The following NRG3 variants were observed in gnomAD, a reference collection of about 807,000 sequenced individuals.
The protein encoded by NRG3 is pro-neuregulin-3, membrane-bound isoform.
In NRG3, 31 loss-of-function variants were observed where a neutral mutation model predicts 66.9. The ratio of observed to expected loss-of-function variants is 0.46; its 90% CI spans 0.35 to 0.63. The LOEUF is 0.63. Among genes scored for constraint, NRG3 ranks in the 20% least tolerant of loss-of-function variants. The pLI, the probability that NRG3 is intolerant of heterozygous loss-of-function variation, is 0.00. For missense variants in NRG3, 910 were observed against 878.9 expected (o/e 1.04, Z -0.45); for synonymous variants, 393 against 359.4 (o/e 1.09, Z -1.06).
intron 1 of NRG3, among the ~76,000 whole-genome samples, chr10:81,880,406 CAAAA>C (rs200467368): frequency 6.6e-6 from 1 of 150,462 alleles, no homozygotes; most frequent in Non-Finnish European, 1.5e-5. Context: ...CCAAAAAAAA[CAAAA>C]AAAAACCCAG....
intron 2 of NRG3, among the ~76,000 whole-genome samples, chr10:82,472,675 G>T (rs980042737): frequency 6.6e-6 from 1 of 152,204 alleles, no homozygotes; most frequent in African/African-American, 2.4e-5. Context: ...CCCATGTGTG[G>T]TAATGAGAGC....
At chr10:82,459,410 T>C (rs973302596) in intron 2 of NRG3, among the ~76,000 whole-genome samples, 1 of 152,204 alleles carries the variant, frequency 6.6e-6, no homozygotes, top group Non-Finnish European at 1.5e-5. Flanking sequence ...TGCAAGTATA[T>C]GTATTCATTC....
chr10:82,308,742 T>C (rs1265420602), intron 1 of NRG3, among the ~76,000 whole-genome samples: 1 of 152,184 alleles, frequency 6.6e-6, no homozygotes, highest in Non-Finnish European at 1.5e-5. Context: ...TGATTTTCTC[T>C]GGCTGCAGGG....
At chr10:82,208,972 C>T (rs1167884962) in intron 1 of NRG3, among the ~76,000 whole-genome samples, 4 of 151,074 alleles carry the variant, frequency 2.6e-5, no homozygotes, top group Non-Finnish European at 5.9e-5. Context: ...TCTCTTCTTA[C>T]AACTACATGA....
chr10:82,174,569 T>C (rs1254033796), intron 1 of NRG3, among the ~76,000 whole-genome samples: 1 of 152,148 alleles, frequency 6.6e-6, no homozygotes, highest in African/African-American at 2.4e-5. Flanking sequence ...TTTCAAGCCT[T>C]AATTAGTAGG....
At chr10:82,221,712 G>T (rs1410030579) in intron 1 of NRG3, among the ~76,000 whole-genome samples, 1 of 152,190 alleles carries the variant, frequency 6.6e-6, no homozygotes, top group African/African-American at 2.4e-5. Context: ...AGGTGCTATA[G>T]AATCTTTAAC....
chr10:82,981,709 G>A (rs1352139225), intron 8 of NRG3, among the ~76,000 whole-genome samples: 1 of 152,166 alleles, frequency 6.6e-6, no homozygotes, highest in Non-Finnish European at 1.5e-5. Context: ...GAGTGAGGTG[G>A]AGAGGAGATT....
intron 1 of NRG3, among the ~76,000 whole-genome samples, chr10:82,292,475 C>T (rs934167433): frequency 6.6e-6 from 1 of 152,140 alleles, no homozygotes; most frequent in Admixed American, 6.5e-5. Context: ...ACAGTACTTG[C>T]ACTCTTGCAT....
intron 1 of NRG3, among the ~76,000 whole-genome samples, chr10:81,976,894 T>C (rs570648179): frequency 6.6e-6 from 1 of 152,338 alleles, no homozygotes; most frequent in East Asian, 1.9e-4. Context: ...GATAAACTTG[T>C]ATACAAACAC....
At chr10:82,466,489 C>T (rs932713447) in intron 2 of NRG3, among the ~76,000 whole-genome samples, 2 of 152,034 alleles carry the variant, frequency 1.3e-5, no homozygotes, top group Admixed American at 1.3e-4. Context: ...CTTAATGAAA[C>T]AGAATTATTG....
At chr10:82,191,424 C>T (rs1490501402) in intron 1 of NRG3, among the ~76,000 whole-genome samples, 1 of 152,204 alleles carries the variant, frequency 6.6e-6, no homozygotes, top group South Asian at 2.1e-4. Flanking sequence ...ACCCTAGTCT[C>T]TCCTTCATCT....
At chr10:82,192,126 G>C (rs2074178876) in intron 1 of NRG3, among the ~76,000 whole-genome samples, 1 of 152,088 alleles carries the variant, frequency 6.6e-6, no homozygotes, top group South Asian at 2.1e-4. Context: ...TAAGAATTAA[G>C]GGGAAACGCC....
At chr10:82,633,952 A>G (rs1490549941) in intron 2 of NRG3, among the ~76,000 whole-genome samples, 3 of 152,190 alleles carry the variant, frequency 2.0e-5, no homozygotes, top group African/African-American at 7.2e-5. Context: ...TCAGAGAAAA[A>G]GAACCTGAAT....
chr10:82,709,418 T>C (rs1216562411), intron 2 of NRG3, among the ~76,000 whole-genome samples: 2 of 151,990 alleles, frequency 1.3e-5, no homozygotes, highest in African/African-American at 4.8e-5. Context: ...ACTCTTTCTC[T>C]GTCACCAGGC....
chr10:82,919,772 T>G (rs1288829082), intron 4 of NRG3, among the ~76,000 whole-genome samples: 3 of 152,156 alleles, frequency 2.0e-5, no homozygotes, highest in East Asian at 1.9e-4. Flanking sequence ...TGTATCAATA[T>G]CCATGCTATT....
chr10:82,966,448 C>T (rs964469282), intron 6 of NRG3, among the ~76,000 whole-genome samples: 1 of 152,016 alleles, frequency 6.6e-6, no homozygotes, highest in African/African-American at 2.4e-5. Flanking sequence ...TTTTAAAGTG[C>T]CATTTTTATT....
intron 1 of NRG3, among the ~76,000 whole-genome samples, chr10:82,349,414 C>G (rs1241068826): frequency 6.6e-6 from 1 of 150,922 alleles, no homozygotes; most frequent in South Asian, 2.1e-4. Flanking sequence ...AGGAGGCAGT[C>G]TGCCCGTTCT....
intron 1 of NRG3, among the ~76,000 whole-genome samples, chr10:82,178,024 G>C (rs2073162301): frequency 6.6e-6 from 1 of 151,980 alleles, no homozygotes; most frequent in African/African-American, 2.4e-5. Context: ...AAGAGCTTTT[G>C]CTTATGTGGG....
chr10:82,908,528 G>A (rs1844980342), intron 4 of NRG3, among the ~76,000 whole-genome samples: 1 of 152,052 alleles, frequency 6.6e-6, no homozygotes, highest in African/African-American at 2.4e-5. Context: ...TTATCATGTT[G>A]TTCATTAGTG....
Sources: allele counts gnomAD v4.1 joint callset (sites outside exome capture counted in the v4.1 genomes callset), GRCh38; gene constraint gnomAD v4.1.1; transcripts MANE v1.5; gene names NCBI Gene and HGNC (gene_info 2026-07-23, HGNC 2026-07-21).